CDH22: variants seen among roughly 807,000 people sequenced by gnomAD.
CDH22 encodes the protein cadherin-22.
Under a neutral mutation model 58.4 loss-of-function variants are expected in CDH22, and 30 were observed. That is an observed-to-expected ratio of 0.51 (90% CI 0.38 to 0.70). CDH22 has a LOEUF of 0.70. Ranked by LOEUF, CDH22 falls within the 30% of genes least tolerant of loss-of-function variation. The pLI, the probability that CDH22 is intolerant of heterozygous loss-of-function variation, is 0.00. For missense variants in CDH22, 1,014 were observed against 1,233.9 expected (o/e 0.82, Z 2.67); for synonymous variants, 513 against 558.2 (o/e 0.92, Z 1.14).
chr20:46,281,853 T>C (rs956399366), intron 1 of CDH22, among the ~76,000 whole-genome samples: 12 of 152,220 alleles, frequency 7.9e-5, no homozygotes, highest in African/African-American at 2.9e-4. Context: ...AAATCACAGC[T>C]CCTGGCTTTT....
intron 4 of CDH22, among the ~76,000 whole-genome samples, chr20:46,222,963 T>C (rs1046412997): frequency 3.9e-5 from 6 of 152,200 alleles, no homozygotes; most frequent in Admixed American, 1.3e-4. Flanking sequence ...AGAATATTCC[T>C]GGCTGGGGAA....
intron 4 of CDH22, among the ~76,000 whole-genome samples, chr20:46,219,504 A>C (rs1285723227): frequency 6.6e-6 from 1 of 151,954 alleles, no homozygotes; most frequent in Non-Finnish European, 1.5e-5. Flanking sequence ...TGTGTGTGTG[A>C]CCTGTATGTT....
At chr20:46,185,101 CA>C (rs1485354554) in intron 10 of CDH22, among the ~76,000 whole-genome samples, 3 of 146,194 alleles carry the variant, frequency 2.1e-5, no homozygotes, top group Non-Finnish European at 3.0e-5. Flanking sequence ...AACAAACAAA[CA>C]AAAAACAACA....
intron 1 of CDH22, among the ~76,000 whole-genome samples, chr20:46,291,221 G>A (rs2086600746): frequency 6.6e-6 from 1 of 152,200 alleles, no homozygotes; most frequent in African/African-American, 2.4e-5. Flanking sequence ...AGGTTGCAGT[G>A]AGCAGAGATC....
Position 46,241,398 on chromosome 20 carries a change from C to T in CDH22, c.256-141G>A, listed in dbSNP as rs2086289373. ...CATCTTTAGTGAGGACACTGAGGCC[C>T]AGCAGCCACGCTCACTTCCATCCCT... On this transcript the variant is annotated intron_variant, in intron 2 of 11. Transcript: ENST00000537909. This position sits in a 1 kb window ranked among gnomAD's most constrained non-coding sequence, Gnocchi z 5.2. 1 of 738,304 alleles carries T rather than the reference C, an allele frequency of 1.4e-6. No homozygotes were observed. The allele number at this position is 738,304 out of a possible 1,614,324, so 45.7% of individuals were successfully genotyped here.
At chr20:46,232,635 G>T (rs986496640) in intron 3 of CDH22, among the ~76,000 whole-genome samples, 8 of 152,174 alleles carry the variant, frequency 5.3e-5, no homozygotes, top group African/African-American at 1.9e-4. Flanking sequence ...TAAAAAATGA[G>T]TCCCACCCCT....
intron 8 of CDH22, among the ~76,000 whole-genome samples, chr20:46,189,300 C>T (rs1055199538): frequency 6.6e-6 from 1 of 152,154 alleles, no homozygotes. Flanking sequence ...CCGGGTGAAC[C>T]GTTATTTTTA....
In CDH22 at chr20:46,174,797, C is replaced by G. The variant is rs2085724599; in HGVS notation, c.2196G>C (p.Ser732=). ...CGGGGCTCGGCGGCCCCTGCGGCAG[C>G]GAGTGGCGCTCGGAGGGCAGGTGGG... is the stretch of plus-strand genomic sequence containing the variant. The part of the protein sequence containing the change: ...PQAHLPSERH[S]LPQGPPSPEP... Residue 732 remains serine, a synonymous_variant, in exon 12 of 12, where the codon TCG becomes TCC. Coordinates refer to ENST00000537909, the MANE Select transcript of CDH22 (RefSeq NM_021248.3). The surrounding 1 kb of genome is among the most constrained non-coding windows in gnomAD (Gnocchi z 4.4). The G allele has an allele frequency of 2.0e-6, 3 of 1,492,234 alleles. No homozygotes were observed. Among genetic ancestry groups the G allele is most frequent in the East Asian group, 5.7e-5 (2 of 35,224 alleles). The allele number at this position is 1,492,234 out of a possible 1,614,324, so 92.4% of individuals were successfully genotyped here.
At chr20:46,199,335 G>GCCCTGC in intron 8 of CDH22, 88 bp downstream of exon 8, 1 of 1,476,218 alleles carries the variant, frequency 6.8e-7, no homozygotes, top group Non-Finnish European at 9.1e-7. Context: ...GGCTGCCTTG[G>GCCCTGC]CCCTGCCCCC....
chr20:46,269,405 A>G (rs2086476864), intron 1 of CDH22, among the ~76,000 whole-genome samples: 1 of 152,226 alleles, frequency 6.6e-6, no homozygotes, highest in South Asian at 2.1e-4. Flanking sequence ...CCGCCAATAA[A>G]ATAATAAATA....
At chr20:46,265,572 C>T (rs983655139) in intron 1 of CDH22, among the ~76,000 whole-genome samples, 1 of 152,116 alleles carries the variant, frequency 6.6e-6, no homozygotes, top group African/African-American at 2.4e-5. Flanking sequence ...TATTGTTTGT[C>T]TCCCAACTAT....
chr20:46,280,137 A>C (rs2086542917), intron 1 of CDH22, among the ~76,000 whole-genome samples: 1 of 152,188 alleles, frequency 6.6e-6, no homozygotes, highest in Non-Finnish European at 1.5e-5. Flanking sequence ...TAAAAACAAC[A>C]GCCCGGGTGC....
chr20:46,254,843 G>A (rs147809594), intron 1 of CDH22, among the ~76,000 whole-genome samples: 1 of 152,080 alleles, frequency 6.6e-6, no homozygotes, highest in East Asian at 1.9e-4. Flanking sequence ...CACACAGAGG[G>A]AACAGCATGC....
intron 1 of CDH22, among the ~76,000 whole-genome samples, chr20:46,268,368 C>T (rs934146529): frequency 7.2e-5 from 11 of 152,274 alleles, no homozygotes; most frequent in Non-Finnish European, 1.3e-4. Context: ...TGCCTCGCAG[C>T]TCATCTCCCG....
chr20:46,180,234 C>T (rs2085774774), intron 10 of CDH22, among the ~76,000 whole-genome samples: 1 of 152,240 alleles, frequency 6.6e-6, no homozygotes, highest in Non-Finnish European at 1.5e-5. Context: ...CCCCTCAGGT[C>T]ACTGCTGCCA....
At chr20:46,234,610 C>T (rs557206712) in intron 3 of CDH22, among the ~76,000 whole-genome samples, 31 of 152,292 alleles carry the variant, frequency 2.0e-4, no homozygotes, top group African/African-American at 6.5e-4. Flanking sequence ...GAAAAGTGCC[C>T]GTTTCCACAT....
At position 46,186,811 on chromosome 20, in the gene CDH22, C is replaced by T; in HGVS notation, c.1545+15G>A. Reference sequence around the variant, plus strand: ...TCCTGGAAGCAACGCCCAGTCCCCACCCCCTCAGGGGTACCTGGCCTGGCT... The same window carrying T: ...TCCTGGAAGCAACGCCCAGTCCCCATCCCCTCAGGGGTACCTGGCCTGGCT... On this transcript the variant is annotated intron_variant, in intron 9 of 11. Coordinates refer to ENST00000537909, the MANE Select transcript of CDH22 (RefSeq NM_021248.3). 6.3e-7 allele frequency: 1 copy of T among 1,597,716 alleles called. No individual in the cohort carries two copies.
chr20:46,262,448 T>A (rs2086438056), intron 1 of CDH22, among the ~76,000 whole-genome samples: 1 of 152,080 alleles, frequency 6.6e-6, no homozygotes, highest in Admixed American at 6.5e-5. Context: ...GCCGCACAGG[T>A]CTTCATGAAG....
intron 1 of CDH22, among the ~76,000 whole-genome samples, chr20:46,291,083 C>T (rs1043833133): frequency 2.0e-5 from 3 of 152,140 alleles, no homozygotes; most frequent in Non-Finnish European, 4.4e-5. Flanking sequence ...TCGAGACCAG[C>T]CTGGCCAACA....
Sources: allele counts gnomAD v4.1 joint callset (sites outside exome capture counted in the v4.1 genomes callset), GRCh38; gene constraint gnomAD v4.1.1; non-coding constraint Gnocchi (gnomAD v3.1); transcripts MANE v1.5; gene names NCBI Gene and HGNC (gene_info 2026-07-23, HGNC 2026-07-21).